The following RNF38 variants were observed in gnomAD, a reference collection of about 807,000 sequenced individuals.
RNF38 encodes E3 ubiquitin-protein ligase RNF38.
RNF38 carries 15 observed loss-of-function variants against 67.2 expected under a neutral mutation model. That is an observed-to-expected ratio of 0.22 (90% confidence interval 0.15 to 0.34). RNF38 has a LOEUF of 0.34. Among genes scored for constraint, RNF38 ranks in the 10% least tolerant of loss-of-function variants. RNF38 has a pLI of 1.00. For synonymous variants in RNF38, 220 were observed against 218.8 expected (o/e 1.01, Z -0.05); for missense variants, 524 against 639.9 (o/e 0.82, Z 1.95).
At chr9:36,344,753 TA>T in intron 10 of RNF38, 78 bp downstream of exon 10, 1 of 1,413,570 alleles carries the variant, frequency 7.1e-7, no homozygotes, top group Non-Finnish European at 9.7e-7. Flanking sequence ...TCCCAACTTT[TA>T]CCTTAATGAC....
chr9:36,394,192 T>C (rs529174932), intron 1 of RNF38, among the ~76,000 whole-genome samples: 22 of 152,236 alleles, frequency 1.4e-4, no homozygotes, highest in Admixed American at 1.4e-3. Context: ...GGAGAATCAC[T>C]TGAATCCGGG....
intron 1 of RNF38, among the ~76,000 whole-genome samples, chr9:36,451,189 C>T (rs1253278594): frequency 1.3e-5 from 2 of 151,936 alleles, no homozygotes; most frequent in Admixed American, 6.6e-5. Context: ...TTTGGCCGGG[C>T]GCAGTGGCTC....
At chr9:36,416,468 C>G (rs922880247) in intron 2 of RNF38, among the ~76,000 whole-genome samples, 5 of 152,168 alleles carry the variant, frequency 3.3e-5, no homozygotes, top group African/African-American at 9.7e-5. Context: ...GCTGAGAAAG[C>G]AGGCAAGGAT....
Position 36,378,169 on chromosome 9 carries a change from C to CTTT in RNF38, c.163-2045_163-2043dup, listed in dbSNP as rs35057784. On this transcript the variant is annotated intron_variant, in intron 2 of 11. Coordinates refer to ENST00000259605, the MANE Select transcript of RNF38 (RefSeq NM_022781.5). ...GTGAAACAGATTTGATTAACACTGA[C>CTTT]TTTTTTTTTTTTTTTTTTTTTTTGT... Among the ~76,000 whole-genome samples the CTTT allele has an allele frequency of 7.3e-3, 844 of 114,876 alleles. 6 individuals carry two copies. The highest frequency in any genetic ancestry group is 9.4e-3 in the African/African-American group (278 of 29,632). 75.4% of individuals were successfully genotyped at this position (114,876 alleles called of 152,430 possible).
In RNF38 at chr9:36,337,923, G is replaced by C. The variant is rs1158234694; in HGVS notation, c.*1829C>G. ...ACAATGTCTCGCAAAGGGCAAAATT[G>C]TGCTTCTGTGAATTGACTTTACTTA... On this transcript the variant is annotated 3_prime_UTR_variant, in exon 12 of 12. Transcript: ENST00000259605. 1 of 152,644 alleles carries C rather than the reference G, an allele frequency of 6.6e-6. No individual in the cohort carries two copies. The highest frequency in any genetic ancestry group is 1.5e-5 in the Non-Finnish European group (1 of 68,056). The allele number at this position is 152,644 out of a possible 1,614,324, so 9.5% of individuals were successfully genotyped here. A position where few individuals can be genotyped will look rare whatever the true frequency, so the allele number is the denominator to read the frequency against.
intron 1 of RNF38, among the ~76,000 whole-genome samples, chr9:36,476,878 T>C (rs1332490850): frequency 6.6e-6 from 1 of 151,958 alleles, no homozygotes; most frequent in Non-Finnish European, 1.5e-5. Flanking sequence ...TGACTCCAAG[T>C]AATTAGAGGA....
chr9:36,429,401 T>G (rs1034056585), intron 1 of RNF38, among the ~76,000 whole-genome samples: 1 of 152,176 alleles, frequency 6.6e-6, no homozygotes, highest in Non-Finnish European at 1.5e-5. Context: ...GCCCTTTATA[T>G]AAAATGGCTT....
chr9:36,480,654 C>T (rs1346544155), intron 1 of RNF38, among the ~76,000 whole-genome samples: 1 of 147,462 alleles, frequency 6.8e-6, no homozygotes, highest in Non-Finnish European at 1.5e-5. Flanking sequence ...CAGGCTCAAG[C>T]GATTCTCGTG....
At chr9:36,443,595 A>G (rs1248915389) in intron 1 of RNF38, among the ~76,000 whole-genome samples, 9 of 152,238 alleles carry the variant, frequency 5.9e-5, no homozygotes, top group Admixed American at 5.9e-4. Flanking sequence ...AGACTTAACT[A>G]ACATTCAATG....
At chr9:36,434,073 T>C (rs1217286959) in intron 1 of RNF38, among the ~76,000 whole-genome samples, 2 of 151,228 alleles carry the variant, frequency 1.3e-5, no homozygotes, top group Non-Finnish European at 2.9e-5. Context: ...CCATCTCTAC[T>C]AAAAATACAA....
intron 1 of RNF38, among the ~76,000 whole-genome samples, chr9:36,484,623 C>G (rs1410757487): frequency 6.6e-6 from 1 of 152,020 alleles, no homozygotes; most frequent in Non-Finnish European, 1.5e-5. Flanking sequence ...AATCCCATTC[C>G]TCATCTTCTC....
At chr9:36,454,580 CTTTTTTTTT>C (rs377679133) in intron 1 of RNF38, among the ~76,000 whole-genome samples, 2 of 112,456 alleles carry the variant, frequency 1.8e-5, no homozygotes, top group South Asian at 2.8e-4. Flanking sequence ...CATTAATTTA[CTTTTTTTTT>C]TTTTTTTTTT....
At chr9:36,407,202 G>T (rs1221915716) in intron 2 of RNF38, among the ~76,000 whole-genome samples, 1 of 152,172 alleles carries the variant, frequency 6.6e-6, no homozygotes, top group Admixed American at 6.5e-5. Context: ...AGCAGCTGCC[G>T]GCTATAGCAG....
At chr9:36,362,337 A>T (rs1220480125) in intron 4 of RNF38, among the ~76,000 whole-genome samples, 1 of 151,910 alleles carries the variant, frequency 6.6e-6, no homozygotes, top group Non-Finnish European at 1.5e-5. Context: ...CAGCCTAGGC[A>T]ACAAGAGCAA....
chr9:36,400,334 C>A, upstream of RNF38: 1 of 1,244,666 alleles, frequency 8.0e-7, no homozygotes. Flanking sequence ...ACCTGCGTCT[C>A]GGCAAAAAGG....
chr9:36,467,047 C>T (rs1234855648), intron 1 of RNF38, among the ~76,000 whole-genome samples: 3 of 140,680 alleles, frequency 2.1e-5, no homozygotes, highest in Non-Finnish European at 3.0e-5. Flanking sequence ...GGCGTGGTGG[C>T]ACGCGCCTGT....
intron 1 of RNF38, among the ~76,000 whole-genome samples, chr9:36,444,840 T>C (rs1219299295): frequency 1.3e-5 from 2 of 151,300 alleles, no homozygotes; most frequent in Non-Finnish European, 2.9e-5. Context: ...ACCACACCCC[T>C]CAAATAAAAT....
chr9:36,415,230 A>C (rs1838430875), intron 2 of RNF38, among the ~76,000 whole-genome samples: 1 of 152,040 alleles, frequency 6.6e-6, no homozygotes, highest in South Asian at 2.1e-4. Context: ...TGGAGGCTTT[A>C]TTCAGTTTTT....
chr9:36,376,492 C>T (rs1439479741), intron 2 of RNF38, among the ~76,000 whole-genome samples: 1 of 152,168 alleles, frequency 6.6e-6, no homozygotes, highest in Non-Finnish European at 1.5e-5. Flanking sequence ...CTACAATCTC[C>T]CATCAATAAG....
Sources: gnomAD v4.1 joint callset for allele counts (sites outside exome capture counted in the v4.1 genomes callset) on GRCh38, gnomAD v4.1.1 for gene constraint, MANE v1.5 for transcripts, NCBI Gene and HGNC (gene_info 2026-07-23, HGNC 2026-07-21) for gene names.